R3HCC1L: variants seen among roughly 807,000 people sequenced by gnomAD.
The protein encoded by R3HCC1L is coiled-coil domain-containing protein R3HCC1L.
R3HCC1L carries 51 observed loss-of-function variants against 59.9 expected under a neutral mutation model. The observed-to-expected ratio is 0.85, with a 90% CI of 0.68 to 1.07. R3HCC1L has a LOEUF of 1.07. Among genes scored for constraint, R3HCC1L ranks in the 50% least tolerant of loss-of-function variants. The pLI is 0.00. For missense variants in R3HCC1L, 965 were observed against 933.0 expected (o/e 1.03, Z -0.45); for synonymous variants, 322 against 315.2 (o/e 1.02, Z -0.23).
Position 98,143,538 on chromosome 10 carries a change from G to A in R3HCC1L, c.-268+8832G>A, listed in dbSNP as rs75950859. Among the ~76,000 whole-genome samples the A allele has an allele frequency of 3.0e-3, 454 of 152,178 alleles. 4 individuals are homozygous for A. Among genetic ancestry groups the A allele is most frequent in the African/African-American group, 9.2e-3 (384 of 41,516 alleles). On this transcript the variant is annotated intron_variant, in intron 1 of 9. Coordinates refer to ENST00000298999, the MANE Select transcript of R3HCC1L (RefSeq NM_001351015.2). ...ATTTCTTTTTTGTACCATGTTTCTT[G>A]TTTGCTTCCTTGGGTATCCTGAAAC... is the stretch of plus-strand genomic sequence containing the variant.
intron 4 of R3HCC1L, among the ~76,000 whole-genome samples, chr10:98,185,081 T>C (rs1172399716): frequency 6.6e-6 from 1 of 152,210 alleles, no homozygotes; most frequent in Non-Finnish European, 1.5e-5. Context: ...TTTCTAACTT[T>C]CTTCATCCTA....
chr10:98,147,626 T>C (rs1173034724), intron 1 of R3HCC1L, among the ~76,000 whole-genome samples: 2 of 152,166 alleles, frequency 1.3e-5, no homozygotes, highest in Non-Finnish European at 2.9e-5. Context: ...ATTCTCAGTA[T>C]AGTTATCCAG....
At chr10:98,143,131 G>C (rs559970974) in intron 1 of R3HCC1L, among the ~76,000 whole-genome samples, 3 of 152,320 alleles carry the variant, frequency 2.0e-5, no homozygotes, top group Admixed American at 6.5e-5. Flanking sequence ...ATTTTGGACT[G>C]CAGTTAAAAA....
In R3HCC1L at chr10:98,208,685, C is replaced by T. The variant is rs373754800; in HGVS notation, c.571C>T (p.His191Tyr). ...TGTGGAATTCTGTGACTTCAGTAGG[C>T]ATGAACCTGATGGGGAAGCATTTGA... Reference protein sequence around the residue: ...QNVEFCDFSRHEPDGEAFEDK... With the variant: ...QNVEFCDFSRYEPDGEAFEDK... The change falls in exon 5 of 10, where the codon CAT (histidine) becomes TAT (tyrosine). Residue 191 changes from histidine (H) to tyrosine (Y), a missense_variant. Coordinates refer to ENST00000298999, the MANE Select transcript of R3HCC1L (RefSeq NM_001351015.2). 5.6e-5 allele frequency: 90 copies of T among 1,613,974 alleles called. 2 individuals carry two copies. Among genetic ancestry groups the T allele is most frequent in the Non-Finnish European group, 6.9e-5 (82 of 1,180,012 alleles).
chr10:98,136,866 A>G (rs1229054374), intron 1 of R3HCC1L, among the ~76,000 whole-genome samples: 2 of 152,204 alleles, frequency 1.3e-5, no homozygotes, highest in African/African-American at 4.8e-5. Flanking sequence ...TTGAATTTTT[A>G]CTAAGACCTG....
At chr10:98,220,858 T>C (rs1361349985) in intron 5 of R3HCC1L, among the ~76,000 whole-genome samples, 1 of 147,690 alleles carries the variant, frequency 6.8e-6, no homozygotes, top group Non-Finnish European at 1.5e-5. Context: ...TGTGTCTTTA[T>C]AGCAGCATGA....
In R3HCC1L at chr10:98,152,898, AG is replaced by A. The variant is rs34206602; in HGVS notation, c.-267-3189del. On this transcript the variant is annotated intron_variant, in intron 1 of 9. Transcript: ENST00000298999. ...GCAGCCACCCCGTCCGGGAGGGAGGAGGGGGGTCAGCCCCTGCCCGGCCAGT... is the reference window on the plus strand; with the variant it reads ...GCAGCCACCCCGTCCGGGAGGGAGGAGGGGGTCAGCCCCTGCCCGGCCAGT... Among the ~76,000 whole-genome samples the A allele has an allele frequency of 2.1e-5, 3 of 146,204 alleles. No individual in the cohort carries two copies. The South Asian group carries it at 6.5e-4, about 32-fold the overall frequency.
At position 98,208,643 on chromosome 10, in the gene R3HCC1L, A is replaced by C. The variant is rs1399114206; in HGVS notation, c.529A>C (p.Ser177Arg). ...CLEISEAQVP[S>R]KPFQNVEFCD... ...AGAAATCAGCGAGGCTCAAGTTCCA[A>C]GCAAACCATTCCAAAATGTGGAATT... Residue 177 changes from serine to arginine, a missense_variant, in exon 5 of 10, where the codon AGC becomes CGC. By Grantham distance (110) the Ser-to-Arg change is moderately radical. Transcript: ENST00000298999. 1 of 1,614,040 alleles carries C rather than the reference A, an allele frequency of 6.2e-7. No individual in the cohort carries two copies. The highest frequency in any genetic ancestry group is 2.2e-5 in the East Asian group (1 of 44,876).
chr10:98,233,025 T>C (rs1398289483), intron 6 of R3HCC1L, among the ~76,000 whole-genome samples: 1 of 152,202 alleles, frequency 6.6e-6, no homozygotes, highest in African/African-American at 2.4e-5. Context: ...GTATAGTGTG[T>C]AGGTCAGTCT....
At chr10:98,172,557 T>C (rs541280305) in intron 4 of R3HCC1L, among the ~76,000 whole-genome samples, 26 of 152,336 alleles carry the variant, frequency 1.7e-4, no homozygotes, top group African/African-American at 5.8e-4. Context: ...ATCCATCATC[T>C]GGAGGCTCCA....
At position 98,208,215 on chromosome 10, in the gene R3HCC1L, G is replaced by T. The variant is rs749930292; in HGVS notation, c.101G>T (p.Gly34Val). The T allele has an allele frequency of 1.2e-6, 2 of 1,614,080 alleles. No individual in the cohort carries two copies. The highest frequency in any genetic ancestry group is 1.1e-5 in the South Asian group (1 of 91,080). The change falls in exon 5 of 10, where the codon GGT becomes GTT. Residue 34 changes from glycine to valine, a missense_variant. Physicochemically the swap from Gly to Val is moderately radical, Grantham distance 109. Transcript: ENST00000298999. ...ARRGAVLLKTGDEEESCGSPN... is the reference protein window; with the variant it reads ...ARRGAVLLKTVDEEESCGSPN... ...AGGGGTGCAGTACTCCTTAAGACAG[G>T]TGATGAAGAAGAAAGCTGTGGTTCA...
chr10:98,147,484 T>C (rs1845775666), intron 1 of R3HCC1L, among the ~76,000 whole-genome samples: 1 of 152,122 alleles, frequency 6.6e-6, no homozygotes, highest in Non-Finnish European at 1.5e-5. Context: ...AATCTTTGCC[T>C]AGATCAATGT....
At chr10:98,210,262 A>T (rs141994006) in intron 5 of R3HCC1L, among the ~76,000 whole-genome samples, 1 of 152,142 alleles carries the variant, frequency 6.6e-6, no homozygotes, top group Non-Finnish European at 1.5e-5. Context: ...TACTATTGTT[A>T]TTTATATTTT....
Position 98,207,193 on chromosome 10 carries a change from A to G in R3HCC1L, c.-14-908A>G, listed in dbSNP as rs576021598. Among the ~76,000 whole-genome samples, 4 of 152,340 alleles carry G rather than the reference A, an allele frequency of 2.6e-5. No homozygotes were observed. In the South Asian group the frequency reaches 6.2e-4, roughly 24 times the overall value. On this transcript the variant is annotated intron_variant, in intron 4 of 9. Coordinates refer to ENST00000298999, the MANE Select transcript of R3HCC1L (RefSeq NM_001351015.2). Reference sequence around the variant, plus strand: ...ATGTGGGTGTTTCTCTGTTGTGTATAGCACCTCCTTATTCTCTTTGTCCTG... The same window carrying G: ...ATGTGGGTGTTTCTCTGTTGTGTATGGCACCTCCTTATTCTCTTTGTCCTG...
At chr10:98,172,999 A>ATAG (rs1465154474) in intron 4 of R3HCC1L, among the ~76,000 whole-genome samples, 1 of 152,164 alleles carries the variant, frequency 6.6e-6, no homozygotes, top group Admixed American at 6.5e-5. Flanking sequence ...GGTAAAGGTA[A>ATAG]TTTACTGATT....
At chr10:98,230,813 G>A (rs943728726) in intron 5 of R3HCC1L, among the ~76,000 whole-genome samples, 4 of 152,116 alleles carry the variant, frequency 2.6e-5, no homozygotes, top group African/African-American at 7.2e-5. Flanking sequence ...CCACTTTCCC[G>A]TTTTGTTTCT....
intron 1 of R3HCC1L, among the ~76,000 whole-genome samples, chr10:98,153,062 C>T (rs1846424495): frequency 6.6e-6 from 1 of 152,146 alleles, no homozygotes; most frequent in Non-Finnish European, 1.5e-5. Flanking sequence ...GCCGCCCCTT[C>T]TGGGAAGTGA....
chr10:98,145,674 G>C (rs1845580478), intron 1 of R3HCC1L, among the ~76,000 whole-genome samples: 1 of 152,214 alleles, frequency 6.6e-6, no homozygotes, highest in Non-Finnish European at 1.5e-5. Flanking sequence ...CATTCTCGCT[G>C]GGCGCGGTGG....
chr10:98,205,873 G>A (rs529654040), intron 4 of R3HCC1L, among the ~76,000 whole-genome samples: 181 of 152,276 alleles, frequency 1.2e-3, no homozygotes, highest in African/African-American at 4.1e-3. Flanking sequence ...GTATATGTCA[G>A]TCATCCAGCC....
Sources: allele counts gnomAD v4.1 joint callset (sites outside exome capture counted in the v4.1 genomes callset), GRCh38; gene constraint gnomAD v4.1.1; transcripts MANE v1.5; gene names NCBI Gene and HGNC (gene_info 2026-07-23, HGNC 2026-07-21).